R3HCC1L: variants seen among roughly 807,000 people sequenced by gnomAD.
R3HCC1L encodes the protein coiled-coil domain-containing protein R3HCC1L.
R3HCC1L carries 51 observed loss-of-function variants against 59.9 expected under a neutral mutation model. The observed-to-expected ratio is 0.85, with a 90% CI of 0.68 to 1.07. The LOEUF (loss-of-function observed/expected upper bound fraction) is 1.07, where lower values mean the gene tolerates loss of function less well. Among genes scored for constraint, R3HCC1L ranks in the 50% least tolerant of loss-of-function variants. The pLI is 0.00. For synonymous variants in R3HCC1L, 322 were observed against 315.2 expected, an observed-to-expected ratio of 1.02 and a Z score of -0.23; for missense variants, 965 against 933.0, an observed-to-expected ratio of 1.03 and a Z score of -0.45.
intron 4 of R3HCC1L, among the ~76,000 whole-genome samples, chr10:98,195,894 G>A (rs117069940): frequency 0.025 from 3,815 of 152,264 alleles, 62 homozygotes; most frequent in Middle Eastern, 0.041. Flanking sequence ...AAGAAGCAGA[G>A]TTTATTTAAA....
intron 4 of R3HCC1L, among the ~76,000 whole-genome samples, chr10:98,175,898 G>T (rs772363150): frequency 6.6e-6 from 1 of 152,114 alleles, no homozygotes; most frequent in African/African-American, 2.4e-5. Flanking sequence ...TTTATTTATA[G>T]AAGTGTTAAA....
intron 5 of R3HCC1L, among the ~76,000 whole-genome samples, chr10:98,230,552 A>T (rs899749292): frequency 6.6e-6 from 1 of 151,944 alleles, no homozygotes; most frequent in Non-Finnish European, 1.5e-5. Context: ...ATTTTTTTGA[A>T]GGGTTTTTTG....
At chr10:98,175,927 G>C (rs1848969115) in intron 4 of R3HCC1L, among the ~76,000 whole-genome samples, 1 of 152,214 alleles carries the variant, frequency 6.6e-6, no homozygotes, top group African/African-American at 2.4e-5. Context: ...TTTACATTTA[G>C]ATCTGTGATT....
intron 5 of R3HCC1L, among the ~76,000 whole-genome samples, chr10:98,212,878 T>G (rs933208904): frequency 5.3e-5 from 8 of 152,156 alleles, no homozygotes; most frequent in Non-Finnish European, 7.4e-5. Context: ...TCTCCTAAAC[T>G]TTTTAAGAAT....
At chr10:98,182,959 C>G (rs1469851082) in intron 4 of R3HCC1L, among the ~76,000 whole-genome samples, 3 of 152,184 alleles carry the variant, frequency 2.0e-5, no homozygotes, top group Non-Finnish European at 2.9e-5. Context: ...CTTCCCTTGG[C>G]TAGGAAAGGG....
At position 98,231,529 on chromosome 10, in the gene R3HCC1L, G is replaced by T. The variant is rs745698897; in HGVS notation, c.1803G>T (p.Lys601Asn). ...RLLQELSGNT[K>N]SRESIQEPRS... is the part of the protein sequence containing the mutation. Reference sequence around the variant, plus strand: ...CTTTCTAGTTATCAGGGAATACCAAGAGCAGAGAGAGCATCCAGGAACCTA... The same window carrying T: ...CTTTCTAGTTATCAGGGAATACCAATAGCAGAGAGAGCATCCAGGAACCTA... Residue 601 changes from lysine to asparagine, a missense_variant, in exon 6 of 10, where the codon AAG becomes AAT. Lys to Asn is a moderately conservative substitution (Grantham distance 94). Transcript: ENST00000298999. The T allele has an allele frequency of 6.2e-7, 1 of 1,612,538 alleles. No homozygotes were observed. Among genetic ancestry groups the T allele is most frequent in the Admixed American group, 1.7e-5 (1 of 59,588 alleles).
chr10:98,179,329 T>G (rs934442438), intron 4 of R3HCC1L, among the ~76,000 whole-genome samples: 1 of 152,168 alleles, frequency 6.6e-6, no homozygotes, highest in African/African-American at 2.4e-5. Context: ...ATCATGTGGT[T>G]TTTGTCTGTG....
At chr10:98,154,182 C>CAAAAAAA (rs61379048) in intron 1 of R3HCC1L, among the ~76,000 whole-genome samples, 21 of 92,818 alleles carry the variant, frequency 2.3e-4, no homozygotes, top group Non-Finnish European at 3.0e-4. Flanking sequence ...AGAGAATAAG[C>CAAAAAAA]AAAAAAAAAA....
chr10:98,210,025 G>A lies in R3HCC1L; in HGVS notation c.1785+126G>A, dbSNP rs1590725770. 8.2e-5 allele frequency: 58 copies of A among 709,192 alleles called. No homozygotes were observed. The East Asian group carries it at 1.5e-3, about 19-fold the overall frequency. 43.9% of individuals were successfully genotyped at this position (709,192 alleles called of 1,614,324 possible). A position where few individuals can be genotyped will look rare whatever the true frequency, so the allele number is the denominator to read the frequency against. ...GTTCCTGCAATAAACTAATAGGCTT[G>A]TAGATTAAGAAGAGAATATCTGATA... On this transcript the variant is annotated intron_variant, in intron 5 of 9. Transcript: ENST00000298999.
chr10:98,180,525 T>C (rs527759301), intron 4 of R3HCC1L, among the ~76,000 whole-genome samples: 1 of 152,288 alleles, frequency 6.6e-6, no homozygotes, highest in Admixed American at 6.5e-5. Context: ...CTGAGAAGAA[T>C]GTATATTCCG....
chr10:98,192,078 G>T (rs1165033265), intron 4 of R3HCC1L, among the ~76,000 whole-genome samples: 4 of 152,106 alleles, frequency 2.6e-5, no homozygotes, highest in Non-Finnish European at 5.9e-5. Flanking sequence ...ACCCGCCTCA[G>T]CCTCCCAAAG....
chr10:98,194,729 C>T (rs990058149), intron 4 of R3HCC1L, among the ~76,000 whole-genome samples: 2 of 152,100 alleles, frequency 1.3e-5, no homozygotes, highest in African/African-American at 4.8e-5. Flanking sequence ...TTCTACACAA[C>T]TAATCATTAG....
intron 1 of R3HCC1L, among the ~76,000 whole-genome samples, chr10:98,149,809 T>A (rs1367595946): frequency 6.6e-6 from 1 of 152,238 alleles, no homozygotes; most frequent in East Asian, 1.9e-4. Flanking sequence ...GGTGGGATGT[T>A]CTAGAAATGT....
rs765961116 is a variant in R3HCC1L at position 98,162,947 on chromosome 10, C to T, written c.-148C>T. On this transcript the variant is annotated 5_prime_UTR_variant, in exon 3 of 10. Transcript: ENST00000298999. ...TCCTGAGCTCAAGTGGTCTGCCTGC[C>T]TCGGCTTCCCAAAGTGCTGGGATTA... 2.0e-5 allele frequency: 3 copies of T among 152,512 alleles called. No individual in the cohort carries two copies. The highest frequency in any genetic ancestry group is 4.4e-5 in the Non-Finnish European group (3 of 68,292). 9.4% of individuals were successfully genotyped at this position (152,512 alleles called of 1,614,324 possible). A position where few individuals can be genotyped will look rare whatever the true frequency, so the allele number is the denominator to read the frequency against.
At chr10:98,162,118 T>A (rs1435713975) in intron 2 of R3HCC1L, among the ~76,000 whole-genome samples, 1 of 152,110 alleles carries the variant, frequency 6.6e-6, no homozygotes, top group Non-Finnish European at 1.5e-5. Flanking sequence ...TTTTTTCAGC[T>A]CAATAATATG....
rs974523188 is a variant in R3HCC1L, at chr10:98,244,473, T to C, written c.*315T>C. ...TAGCGTGGGTCACACTTCCAAGATATTTAAAGCAAATACAAAACAGAACAG... is the reference window on the plus strand; with the variant it reads ...TAGCGTGGGTCACACTTCCAAGATACTTAAAGCAAATACAAAACAGAACAG... On this transcript the variant is annotated 3_prime_UTR_variant, in exon 10 of 10. Transcript: ENST00000298999. 6 of 252,146 alleles carry C rather than the reference T, an allele frequency of 2.4e-5. No homozygotes were observed. The highest frequency in any genetic ancestry group is 1.1e-4 in the African/African-American group (5 of 45,372). 15.6% of individuals were successfully genotyped at this position (252,146 alleles called of 1,614,324 possible).
intron 4 of R3HCC1L, among the ~76,000 whole-genome samples, chr10:98,197,064 C>T (rs1367760776): frequency 6.6e-6 from 1 of 152,052 alleles, no homozygotes; most frequent in African/African-American, 2.4e-5. Context: ...TTTCTCCTAC[C>T]TCAGCGTCCC....
chr10:98,184,934 C>T (rs1850069864), intron 4 of R3HCC1L, among the ~76,000 whole-genome samples: 1 of 152,156 alleles, frequency 6.6e-6, no homozygotes, highest in East Asian at 1.9e-4. Context: ...CCATCTCTCC[C>T]TTTAAAATCC....
At position 98,231,587 on chromosome 10, in the gene R3HCC1L, A is replaced by C. The variant is rs372537553; in HGVS notation, c.1861A>C (p.Ile621Leu). The C allele has an allele frequency of 6.2e-7, 1 of 1,612,488 alleles. No homozygotes were observed. Residue 621 changes from isoleucine to leucine, a missense_variant, in exon 6 of 10, where the codon ATT becomes CTT. Transcript: ENST00000298999. ...TTACTACAATCATGAAGTTCCTGAT[A>C]TTGACCTCAGTGATTGTGAATTCCC... ...SDYYNHEVPD[I>L]DLSDCEFPHV...
Sources: allele counts gnomAD v4.1 joint callset (sites outside exome capture counted in the v4.1 genomes callset), GRCh38; gene constraint gnomAD v4.1.1; transcripts MANE v1.5; gene names NCBI Gene and HGNC (gene_info 2026-07-23, HGNC 2026-07-21).